Variants in ATP11A observed in about 807,000 individuals in gnomAD.
ATP11A encodes phospholipid-transporting ATPase IH.
In ATP11A, 81 loss-of-function variants were observed where a neutral mutation model predicts 154.4. The observed-to-expected ratio is 0.52, with a 90% CI of 0.44 to 0.63. The LOEUF is 0.63. Ranked by LOEUF, ATP11A falls within the 30% of genes least tolerant of loss-of-function variation. The pLI is 0.00. For synonymous variants in ATP11A, 623 were observed against 585.9 expected (o/e 1.06, Z -0.91); for missense variants, 1,316 against 1,474.3 (o/e 0.89, Z 1.76).
intron 16 of ATP11A, 28 bp downstream of exon 16, chr13:112,836,279 T>G: frequency 2.8e-6 from 4 of 1,447,502 alleles, no homozygotes; most frequent in Non-Finnish European, 3.9e-6. Flanking sequence ...TTTGATTTAT[T>G]AAGTTATACG....
At chr13:112,717,981 C>G (rs1018510775) in intron 1 of ATP11A, among the ~76,000 whole-genome samples, 1 of 152,164 alleles carries the variant, frequency 6.6e-6, no homozygotes, top group African/African-American at 2.4e-5. Context: ...GGAGCCGAGT[C>G]AGGAGAATCA....
intron 1 of ATP11A, among the ~76,000 whole-genome samples, chr13:112,734,183 C>T (rs1456147513): frequency 6.6e-6 from 1 of 152,042 alleles, no homozygotes; most frequent in African/African-American, 2.4e-5. Flanking sequence ...GAAACTAAGC[C>T]CTCTGGACGT....
chr13:112,781,092 G>A (rs182624496), intron 1 of ATP11A, among the ~76,000 whole-genome samples: 119 of 152,300 alleles, frequency 7.8e-4, no homozygotes, highest in Non-Finnish European at 1.5e-3. Flanking sequence ...CCAGGCTGGA[G>A]AGCAGAGGCG....
At chr13:112,854,629 C>T (rs1041377682) in intron 19 of ATP11A, 99 bp downstream of exon 19, 2 of 1,408,694 alleles carry the variant, frequency 1.4e-6, no homozygotes, top group Non-Finnish European at 1.9e-6. Context: ...ATTGTCTCTA[C>T]TGGGAATTCG....
At chr13:112,818,141 A>AC (rs2078694035) in intron 6 of ATP11A, among the ~76,000 whole-genome samples, 1 of 138,042 alleles carries the variant, frequency 7.2e-6, no homozygotes, top group Non-Finnish European at 1.6e-5. Context: ...GCTTGGTGAC[A>AC]CGGCGGTGAC....
At chr13:112,750,634 G>A (rs915728787) in intron 1 of ATP11A, among the ~76,000 whole-genome samples, 3 of 152,138 alleles carry the variant, frequency 2.0e-5, no homozygotes, top group East Asian at 3.9e-4. Context: ...GCTGAAGGAC[G>A]CGGGGTTGAA....
intron 9 of ATP11A, 54 bp from the exon 10 acceptor site, chr13:112,824,290 T>C (rs980040670): frequency 1.4e-6 from 2 of 1,401,408 alleles, no homozygotes; most frequent in Non-Finnish European, 2.0e-6. Flanking sequence ...TAACTCACCA[T>C]AAGGCAAGAC....
intron 6 of ATP11A, among the ~76,000 whole-genome samples, chr13:112,819,079 C>T (rs1458532391): frequency 6.6e-6 from 1 of 152,206 alleles, no homozygotes; most frequent in African/African-American, 2.4e-5. Flanking sequence ...GCTATCTGTC[C>T]TGTTAGTTTT....
intron 1 of ATP11A, among the ~76,000 whole-genome samples, chr13:112,729,926 G>A (rs1185736731): frequency 6.6e-6 from 1 of 152,258 alleles, no homozygotes; most frequent in South Asian, 2.1e-4. Flanking sequence ...CCAGGGCTTA[G>A]ATGTAACAGT....
At chr13:112,700,182 G>T (rs769527786) in intron 1 of ATP11A, among the ~76,000 whole-genome samples, 1 of 151,976 alleles carries the variant, frequency 6.6e-6, no homozygotes, top group African/African-American at 2.4e-5. Context: ...GTTGAATTAT[G>T]CATTCGACAA....
chr13:112,862,940 G>C (rs1164091972), intron 25 of ATP11A, among the ~76,000 whole-genome samples: 59 of 89,170 alleles, frequency 6.6e-4, no homozygotes, highest in African/African-American at 8.8e-4. Flanking sequence ...TTCAGTGCAG[G>C]CCACGCAGCT....
intron 2 of ATP11A, among the ~76,000 whole-genome samples, chr13:112,803,411 G>T (rs1195471997): frequency 6.6e-6 from 1 of 152,194 alleles, no homozygotes; most frequent in African/African-American, 2.4e-5. Flanking sequence ...ACCCACCTTC[G>T]AATGGGATTT....
rs144690048 is a variant in ATP11A at position 112,843,403 on chromosome 13, G to A, written c.1809+1024G>A. Among the ~76,000 whole-genome samples, 109 of 152,258 alleles carry A rather than the reference G, an allele frequency of 7.2e-4. 1 individual carries two copies. The East Asian group carries it at 0.014, about 19-fold the overall frequency. ...CCCACGGTGTCTGCACCCTTCTCCCGACACCACCCTGGGGTCTTCTCCCTC... is the reference window on the plus strand; with the variant it reads ...CCCACGGTGTCTGCACCCTTCTCCCAACACCACCCTGGGGTCTTCTCCCTC... On this transcript the variant is annotated intron_variant, in intron 17 of 29. Coordinates refer to ENST00000375645, the MANE Select transcript of ATP11A (RefSeq NM_015205.3).
chr13:112,864,970 C>T (rs1462403511), intron 25 of ATP11A, among the ~76,000 whole-genome samples: 1 of 141,874 alleles, frequency 7.0e-6, no homozygotes, highest in African/African-American at 2.6e-5. Flanking sequence ...GGTCCATCAC[C>T]ACCTGCACAG....
At position 112,844,650 on chromosome 13, in the gene ATP11A, G is replaced by A. The variant is rs571439296; in HGVS notation, c.1809+2271G>A. ...TGCTGAGACTCGGCCGTGTGGGCCC[G>A]TTCATTTCTGTCGTGAGGAACAGCA... On this transcript the variant is annotated intron_variant, in intron 17 of 29. Coordinates refer to ENST00000375645, the MANE Select transcript of ATP11A (RefSeq NM_015205.3). Among the ~76,000 whole-genome samples the A allele has an allele frequency of 1.1e-3, 172 of 152,290 alleles. 1 individual carries two copies. Among genetic ancestry groups the A allele is most frequent in the African/African-American group, 3.7e-3 (154 of 41,542 alleles).
At chr13:112,702,422 C>T (rs563992838) in intron 1 of ATP11A, among the ~76,000 whole-genome samples, 10 of 152,312 alleles carry the variant, frequency 6.6e-5, no homozygotes, top group South Asian at 2.1e-4. Flanking sequence ...CCCCGCCCCC[C>T]GCGTGTTCCA....
At chr13:112,861,754 T>C (rs2080108873) in intron 24 of ATP11A, among the ~76,000 whole-genome samples, 1 of 152,264 alleles carries the variant, frequency 6.6e-6, no homozygotes, top group Non-Finnish European at 1.5e-5. Flanking sequence ...TGGTTGTACA[T>C]CTTTAATAAA....
intron 1 of ATP11A, among the ~76,000 whole-genome samples, chr13:112,705,415 A>T (rs958190441): frequency 6.6e-6 from 1 of 152,206 alleles, no homozygotes; most frequent in Non-Finnish European, 1.5e-5. Context: ...GCACGCACTG[A>T]GCAGCTGCTG....
intron 12 of ATP11A, among the ~76,000 whole-genome samples, chr13:112,827,805 C>T (rs921114342): frequency 7.2e-5 from 11 of 152,240 alleles, no homozygotes; most frequent in African/African-American, 2.4e-4. Flanking sequence ...CTCTCTGCCT[C>T]CTGTGAGGAA....
Sources: gnomAD v4.1 joint callset for allele counts (sites outside exome capture counted in the v4.1 genomes callset) on GRCh38, gnomAD v4.1.1 for gene constraint, MANE v1.5 for transcripts, NCBI Gene and HGNC (gene_info 2026-07-23, HGNC 2026-07-21) for gene names.